Variants in DOCK7 observed in about 807,000 individuals in gnomAD.
The protein encoded by DOCK7 is dedicator of cytokinesis 7.
A neutral mutation model predicts 271.0 loss-of-function variants in DOCK7; 138 were observed. That is an observed-to-expected ratio of 0.51 (90% CI 0.44 to 0.59). The LOEUF is 0.59. Ranked by LOEUF, DOCK7 falls within the 20% of genes least tolerant of loss-of-function variation. The pLI is 0.00. For synonymous variants in DOCK7, 823 were observed against 876.1 expected, an observed-to-expected ratio of 0.94 and a Z score of 1.07; for missense variants, 2,066 against 2,592.4, an observed-to-expected ratio of 0.80 and a Z score of 4.41.
rs568965119 is a variant in DOCK7 at position 62,647,871 on chromosome 1, G to C, written c.733-95C>G. ...TTACTTTACTAATCTAACACTTTTA[G>C]TCTTCACAATAGAACATAGAGAAGA... On this transcript the variant is annotated intron_variant, in intron 6 of 49. Transcript: ENST00000635253. 10 of 975,754 alleles carry C rather than the reference G, an allele frequency of 1.0e-5. No homozygotes were observed. The Middle Eastern group carries it at 6.8e-4, about 66-fold the overall frequency. 60.4% of individuals were successfully genotyped at this position (975,754 alleles called of 1,614,324 possible).
intron 43 of DOCK7, chr1:62,485,168 C>G (rs571799785): frequency 1.0e-6 from 1 of 985,284 alleles, no homozygotes; most frequent in Admixed American, 6.1e-5. Flanking sequence ...AACAAACATG[C>G]TTTTACTTCC....
chr1:62,543,776 T>C (rs765664535), intron 23 of DOCK7, 31 bp from the exon 24 acceptor site: 92 of 1,528,334 alleles, frequency 6.0e-5, no homozygotes, highest in Non-Finnish European at 7.8e-5. Flanking sequence ...AATGACGAGA[T>C]AACATTAACG....
intron 20 of DOCK7, among the ~76,000 whole-genome samples, chr1:62,556,469 T>A (rs1305579365): frequency 1.4e-5 from 2 of 141,346 alleles, no homozygotes; most frequent in East Asian, 2.1e-4. Flanking sequence ...AATAAGAAAA[T>A]AGTGAATAAG....
chr1:62,611,790 T>C (rs1651820698), intron 14 of DOCK7, among the ~76,000 whole-genome samples: 1 of 151,978 alleles, frequency 6.6e-6, no homozygotes, highest in Non-Finnish European at 1.5e-5. Context: ...AAAAAACTGA[T>C]GATAGTAAAA....
chr1:62,644,469 T>C (rs1173039605), intron 7 of DOCK7, among the ~76,000 whole-genome samples: 1 of 152,248 alleles, frequency 6.6e-6, no homozygotes, highest in South Asian at 2.1e-4. Context: ...CTTTCCCTTG[T>C]AGCCCATTAA....
chr1:62,625,528 G>C (rs1189861078), intron 11 of DOCK7, 127 bp from the exon 12 acceptor site: 7 of 928,636 alleles, frequency 7.5e-6, no homozygotes, highest in Non-Finnish European at 9.5e-6. Flanking sequence ...AGTATAGTAG[G>C]AGAATTTTGC....
intron 16 of DOCK7, among the ~76,000 whole-genome samples, chr1:62,579,695 GA>G (rs34924913): frequency 0.48 from 30,607 of 63,926 alleles, 3,924 homozygotes; most frequent in Middle Eastern, 0.6. Flanking sequence ...GAGTGAGACC[GA>G]AAAAAAAAAA....
At chr1:62,659,941 CTGAT>C (rs1003840831) in intron 2 of DOCK7, among the ~76,000 whole-genome samples, 9 of 152,104 alleles carry the variant, frequency 5.9e-5, no homozygotes, top group East Asian at 1.9e-4. Context: ...GTAGCAAAAA[CTGAT>C]TGAACTGAAA....
intron 43 of DOCK7, 75 bp from the exon 44 acceptor site, chr1:62,477,900 T>G (rs1302965532): frequency 1.4e-6 from 2 of 1,433,024 alleles, no homozygotes; most frequent in African/African-American, 1.4e-5. Flanking sequence ...ATGTTTAGAT[T>G]GTTACAGCAT....
In DOCK7 at chr1:62,535,683, T is replaced by C. The variant is rs372465626; in HGVS notation, c.3472-51A>G. On this transcript the variant is annotated intron_variant, in intron 28 of 49. Coordinates refer to ENST00000635253, the MANE Select transcript of DOCK7 (RefSeq NM_001367561.1). ...ACTATAACAGCAGTGCAACAAAGCATCCTACAGACAGAGCAATATAAGAAA... is the reference window on the plus strand; with the variant it reads ...ACTATAACAGCAGTGCAACAAAGCACCCTACAGACAGAGCAATATAAGAAA... 96 of 1,547,488 alleles carry C rather than the reference T, an allele frequency of 6.2e-5. 2 individuals are homozygous for C. The African/African-American group carries it at 1.2e-3, about 20-fold the overall frequency.
chr1:62,532,878 TGGCAGGAGTAGACAAGAGCCA>T (rs1159537853), intron 29 of DOCK7, among the ~76,000 whole-genome samples: 1 of 151,742 alleles, frequency 6.6e-6, no homozygotes, highest in Non-Finnish European at 1.5e-5. Context: ...AGGAAGAGAG[TGGCAGGAGTAGACAAGAGCCA>T]GATACACAGG....
chr1:62,685,814 C>T (rs953503279), intron 1 of DOCK7, among the ~76,000 whole-genome samples: 1 of 152,156 alleles, frequency 6.6e-6, no homozygotes, highest in Non-Finnish European at 1.5e-5. Flanking sequence ...GGATGTCATC[C>T]CAGACTCCTC....
chr1:62,608,453 T>G (rs766270051), intron 14 of DOCK7: 2 of 152,224 alleles, frequency 1.3e-5, no homozygotes, highest in Non-Finnish European at 2.9e-5. Context: ...TATTTTAAGG[T>G]GCAGATATCT....
At chr1:62,555,479 C>T (rs1237854503) in intron 21 of DOCK7, among the ~76,000 whole-genome samples, 4 of 152,164 alleles carry the variant, frequency 2.6e-5, no homozygotes. Flanking sequence ...CCCACCTCAG[C>T]CTCCTAAACA....
chr1:62,478,123 T>C, intron 43 of DOCK7: 1 of 234,270 alleles, frequency 4.3e-6, no homozygotes, highest in Non-Finnish European at 8.2e-6. Context: ...TAAATCTATA[T>C]AACTGAGATA....
chr1:62,654,230 CA>C, intron 2 of DOCK7, 71 bp from the exon 3 acceptor site: 1 of 1,396,786 alleles, frequency 7.2e-7, no homozygotes, highest in Non-Finnish European at 9.7e-7. Context: ...AAACTTAAGG[CA>C]AATAACATTT....
At chr1:62,606,613 C>T (rs921213215) in intron 14 of DOCK7, among the ~76,000 whole-genome samples, 2 of 151,940 alleles carry the variant, frequency 1.3e-5, no homozygotes, top group Non-Finnish European at 2.9e-5. Flanking sequence ...TTTTTTCAAA[C>T]TTGACCTTCA....
intron 43 of DOCK7, among the ~76,000 whole-genome samples, chr1:62,480,727 G>C (rs1428832720): frequency 2.0e-5 from 3 of 152,196 alleles, no homozygotes; most frequent in Non-Finnish European, 4.4e-5. Context: ...TCTGTGAACA[G>C]GCCAGGCGCG....
At chr1:62,643,131 C>T (rs1235368462) in intron 7 of DOCK7, among the ~76,000 whole-genome samples, 1 of 152,132 alleles carries the variant, frequency 6.6e-6, no homozygotes, top group Non-Finnish European at 1.5e-5. Flanking sequence ...TCCCAGTTGA[C>T]ATTAAGCCAA....
Sources: allele counts gnomAD v4.1 joint callset (sites outside exome capture counted in the v4.1 genomes callset), GRCh38; gene constraint gnomAD v4.1.1; transcripts MANE v1.5; gene names NCBI Gene and HGNC (gene_info 2026-07-23, HGNC 2026-07-21).